The following CHD6 variants were observed in gnomAD, a reference collection of about 807,000 sequenced individuals.
The protein encoded by CHD6 is chromodomain helicase DNA binding protein 6, also known as ATP-dependent chromatin remodeler CHD6.
In CHD6, 50 loss-of-function variants were observed where a neutral mutation model predicts 276.9. The observed-to-expected ratio is 0.18, with a 90% CI of 0.14 to 0.23. The LOEUF (loss-of-function observed/expected upper bound fraction) is 0.23. Among genes scored for constraint, CHD6 ranks in the 10% least tolerant of loss-of-function variants. The probability of loss-of-function intolerance (pLI) is 1.00; values close to 1 mark genes in which losing one functional copy is unlikely to be tolerated. For synonymous variants in CHD6, 1,173 were observed against 1,229.3 expected (o/e 0.95, Z 0.96); for missense variants, 2,564 against 3,365.8 (o/e 0.76, Z 5.89).
chr20:41,589,229 G>C (rs1183977943), intron 1 of CHD6, among the ~76,000 whole-genome samples: 1 of 152,126 alleles, frequency 6.6e-6, no homozygotes, highest in Non-Finnish European at 1.5e-5. Context: ...AAAATACTAA[G>C]AGCTATTTAT....
chr20:41,416,192 C>T (rs1031846524), intron 33 of CHD6, among the ~76,000 whole-genome samples: 1 of 152,180 alleles, frequency 6.6e-6, no homozygotes, highest in South Asian at 2.1e-4. Context: ...TAAGGGTCAA[C>T]CACACTGTTC....
At chr20:41,495,772 A>G (rs1172255551) in intron 8 of CHD6, among the ~76,000 whole-genome samples, 3 of 152,254 alleles carry the variant, frequency 2.0e-5, no homozygotes, top group Admixed American at 6.5e-5. Flanking sequence ...TTATACTCCA[A>G]TAAAGCTTAA....
Position 41,415,233 on chromosome 20 carries a change from T to G in CHD6, c.6892A>C (p.Met2298Leu), listed in dbSNP as rs1289013419. Reference sequence around the variant, plus strand: ...TGCTCCTTCAAAAAGATGAGGTCCATCCCTCCTTCAACATGTTTCCGCCTC... The same window carrying G: ...TGCTCCTTCAAAAAGATGAGGTCCAGCCCTCCTTCAACATGTTTCCGCCTC... ...RGRRKHVEGG[M>L]DLIFLKEQTL... The change falls in exon 34 of 37, where the codon ATG (methionine) becomes CTG (leucine). Residue 2298 changes from methionine to leucine, a missense_variant. Physicochemically the swap from Met to Leu is conservative, Grantham distance 15. Transcript: ENST00000373233. 1 of 1,613,972 alleles carries G rather than the reference T, an allele frequency of 6.2e-7. No homozygotes were observed. Among genetic ancestry groups the G allele is most frequent in the African/African-American group, 1.3e-5 (1 of 74,898 alleles).
intron 1 of CHD6, among the ~76,000 whole-genome samples, chr20:41,606,630 G>A (rs573145236): frequency 1.1e-4 from 16 of 149,272 alleles, no homozygotes; most frequent in Admixed American, 6.7e-4. Flanking sequence ...AGCAGAGATC[G>A]CACCACTGCA....
chr20:41,484,210 TCA>T (rs746860031), intron 15 of CHD6, 140 bp downstream of exon 15: 200 of 1,087,064 alleles, frequency 1.8e-4, no homozygotes, highest in Non-Finnish European at 2.6e-4. Context: ...TCTCTGAATC[TCA>T]GTTTTATACT....
At chr20:41,567,802 C>T (rs920691990) in intron 1 of CHD6, among the ~76,000 whole-genome samples, 1 of 152,148 alleles carries the variant, frequency 6.6e-6, no homozygotes, top group Non-Finnish European at 1.5e-5. Context: ...GACAAAATGA[C>T]CTTGCTGGAT....
chr20:41,611,563 A>T (rs1426889579), intron 1 of CHD6, among the ~76,000 whole-genome samples: 1 of 152,152 alleles, frequency 6.6e-6, no homozygotes, highest in African/African-American at 2.4e-5. Flanking sequence ...GTTAAAACAC[A>T]GACTCCTGGG....
chr20:41,600,432 A>AG (rs759618187), intron 1 of CHD6, among the ~76,000 whole-genome samples: 113 of 151,888 alleles, frequency 7.4e-4, no homozygotes, highest in Non-Finnish European at 5.9e-4. Flanking sequence ...GGGTAGAGTG[A>AG]GGGGGGGGTC....
At chr20:41,484,298 C>T (rs1201017120) in intron 15 of CHD6, 54 bp downstream of exon 15, 1 of 1,595,752 alleles carries the variant, frequency 6.3e-7, no homozygotes, top group Non-Finnish European at 8.6e-7. Flanking sequence ...TTATCATTAG[C>T]TTCTCGCAGA....
At chr20:41,485,725 A>G (rs1481713367) in intron 14 of CHD6, 2 of 152,262 alleles carry the variant, frequency 1.3e-5, no homozygotes, top group South Asian at 2.1e-4. Context: ...TGTTCAAAGG[A>G]TACAAAATTT....
At chr20:41,590,104 GA>G (rs2045640943) in intron 1 of CHD6, among the ~76,000 whole-genome samples, 1 of 152,126 alleles carries the variant, frequency 6.6e-6, no homozygotes, top group African/African-American at 2.4e-5. Context: ...ACAAAAACAA[GA>G]AATGGGGAAA....
At chr20:41,429,899 A>G (rs2047481270) in intron 27 of CHD6, among the ~76,000 whole-genome samples, 1 of 152,224 alleles carries the variant, frequency 6.6e-6, no homozygotes, top group Admixed American at 6.5e-5. Flanking sequence ...TGCAATGCTA[A>G]GACTCTACCA....
chr20:41,413,455 G>A lies in CHD6; in HGVS notation c.7000C>T (p.Pro2334Ser), dbSNP rs1489962455. 6.2e-7 allele frequency: 1 copy of A among 1,610,286 alleles called. No individual in the cohort carries two copies. Among genetic ancestry groups the A allele is most frequent in the Non-Finnish European group, 8.5e-7 (1 of 1,179,052 alleles). The change falls in exon 35 of 37, where the codon CCT becomes TCT. Residue 2334 changes from proline (P) to serine (S), a missense_variant. Pro to Ser is a moderately conservative substitution (Grantham distance 74). Transcript: ENST00000373233. Reference protein sequence around the residue: ...LSTTHPEGPGPATSAPEPATA... With the variant: ...LSTTHPEGPGSATSAPEPATA... ...GCTGGCTCAGGAGCCGAGGTGGCAG[G>A]CCCTGGCCCCTCAGGGTGTGTGGTG...
Position 41,473,260 on chromosome 20 carries a change from C to A in CHD6, c.2664+62G>T. 9 of 1,517,806 alleles carry A rather than the reference C, an allele frequency of 5.9e-6. No individual in the cohort carries two copies. The South Asian group carries it at 1.1e-4, about 18-fold the overall frequency. 94.0% of individuals were successfully genotyped at this position (1,517,806 alleles called of 1,614,324 possible). A position where few individuals can be genotyped will look rare whatever the true frequency, so the allele number is the denominator to read the frequency against. On this transcript the variant is annotated intron_variant, in intron 17 of 36. Coordinates refer to ENST00000373233, the MANE Select transcript of CHD6 (RefSeq NM_032221.5). The surrounding 1 kb of genome is among the most constrained non-coding windows in gnomAD (Gnocchi z 4.1). ...CGGATGCTCTGTAGCCAAGCCAGGCCCTATCATGATGTTCTGGGATCCAGG... is the reference window on the plus strand; with the variant it reads ...CGGATGCTCTGTAGCCAAGCCAGGCACTATCATGATGTTCTGGGATCCAGG...
chr20:41,615,546 A>G (rs1420017382), intron 1 of CHD6, among the ~76,000 whole-genome samples: 1 of 152,232 alleles, frequency 6.6e-6, no homozygotes, highest in Non-Finnish European at 1.5e-5. Context: ...TTAAATATGT[A>G]TTAAAAACAA....
chr20:41,424,877 A>T (rs2047311421), intron 29 of CHD6, among the ~76,000 whole-genome samples: 1 of 152,212 alleles, frequency 6.6e-6, no homozygotes, highest in African/African-American at 2.4e-5. Context: ...AAATGGTCTG[A>T]CACATTCCAT....
chr20:41,474,473 T>C (rs1219965786), intron 16 of CHD6, among the ~76,000 whole-genome samples: 1 of 152,122 alleles, frequency 6.6e-6, no homozygotes, highest in Non-Finnish European at 1.5e-5. Flanking sequence ...ACATATGAAT[T>C]AACAAGGGGG....
At position 41,487,950 on chromosome 20, in the gene CHD6, T is replaced by C. The variant is rs532162486; in HGVS notation, c.1858-142A>G. ...TTAATGAAAAGATAATATGCCATCATAGGGGTACAGTCAATAAACGAATCA... is the reference window on the plus strand; with the variant it reads ...TTAATGAAAAGATAATATGCCATCACAGGGGTACAGTCAATAAACGAATCA... On this transcript the variant is annotated intron_variant, in intron 13 of 36. Transcript: ENST00000373233. The C allele has an allele frequency of 1.5e-3, 1,122 of 773,020 alleles. 14 individuals carry two copies. The highest frequency in any genetic ancestry group is 0.014 in the South Asian group (766 of 55,486). 47.9% of individuals were successfully genotyped at this position (773,020 alleles called of 1,614,324 possible). A position where few individuals can be genotyped will look rare whatever the true frequency, so the allele number is the denominator to read the frequency against.
chr20:41,519,841 AAG>A (rs2044343487), intron 3 of CHD6, among the ~76,000 whole-genome samples: 1 of 152,214 alleles, frequency 6.6e-6, no homozygotes, highest in African/African-American at 2.4e-5. Flanking sequence ...AATTAAACTA[AAG>A]AGCTTCTGCA....
Sources: allele counts gnomAD v4.1 joint callset (sites outside exome capture counted in the v4.1 genomes callset), GRCh38; gene constraint gnomAD v4.1.1; non-coding constraint Gnocchi (gnomAD v3.1); transcripts MANE v1.5; gene names NCBI Gene and HGNC (gene_info 2026-07-23, HGNC 2026-07-21).